The following ALDH5A1 variants were observed in gnomAD, a reference collection of about 807,000 sequenced individuals.
ALDH5A1 encodes succinate-semialdehyde dehydrogenase, mitochondrial.
A neutral mutation model predicts 54.7 loss-of-function variants in ALDH5A1; 33 were observed. The ratio of observed to expected loss-of-function variants is 0.60; its 90% CI spans 0.46 to 0.81. The LOEUF (loss-of-function observed/expected upper bound fraction) is 0.81. Ranked by LOEUF, ALDH5A1 falls within the 30% of genes least tolerant of loss-of-function variation. The pLI is 0.00. For missense variants in ALDH5A1, 657 were observed against 711.0 expected (o/e 0.92, Z 0.86); for synonymous variants, 294 against 292.7 (o/e 1.00, Z -0.05).
chr6:24,513,736 C>A (rs1759507273), intron 4 of ALDH5A1, among the ~76,000 whole-genome samples: 1 of 144,724 alleles, frequency 6.9e-6, no homozygotes, highest in African/African-American at 2.5e-5. Context: ...CTCCCACTTA[C>A]AGCTGCTGTT....
intron 3 of ALDH5A1, among the ~76,000 whole-genome samples, chr6:24,504,114 T>G (rs939539287): frequency 2.6e-5 from 4 of 152,188 alleles, no homozygotes; most frequent in African/African-American, 9.7e-5. Context: ...TAGGTTTGAC[T>G]TGAAGGTCAC....
intron 4 of ALDH5A1, 42 bp from the exon 5 acceptor site, chr6:24,515,124 GT>G (rs1759541330): frequency 1.2e-6 from 1 of 823,798 alleles, no homozygotes; most frequent in Non-Finnish European, 1.7e-6. Context: ...TTTTTTTTCA[GT>G]TTGGTAAATT....
At chr6:24,515,976 T>C (rs1561874183) in intron 5 of ALDH5A1, among the ~76,000 whole-genome samples, 1 of 152,184 alleles carries the variant, frequency 6.6e-6, no homozygotes, top group Non-Finnish European at 1.5e-5. Flanking sequence ...ACAATTAATG[T>C]TGAAATGGAT....
intron 4 of ALDH5A1, among the ~76,000 whole-genome samples, chr6:24,514,863 C>T (rs1417505594): frequency 6.6e-6 from 1 of 152,138 alleles, no homozygotes; most frequent in African/African-American, 2.4e-5. Context: ...ACCTCCACCT[C>T]CTGGGCTCAA....
intron 5 of ALDH5A1, among the ~76,000 whole-genome samples, 194 bp downstream of exon 5, chr6:24,515,504 C>G (rs1759553182): frequency 6.6e-6 from 1 of 152,140 alleles, no homozygotes; most frequent in South Asian, 2.1e-4. Flanking sequence ...GTGGGCAGAT[C>G]ACTTGAGGCC....
At chr6:24,512,252 A>G (rs1377916229) in intron 4 of ALDH5A1, among the ~76,000 whole-genome samples, 3 of 152,194 alleles carry the variant, frequency 2.0e-5, no homozygotes, top group African/African-American at 7.2e-5. Context: ...TGCAGGAGCA[A>G]TCTGCTTCCT....
intron 8 of ALDH5A1, 103 bp from the exon 9 acceptor site, chr6:24,532,016 A>T: frequency 9.1e-7 from 1 of 1,094,866 alleles, no homozygotes; most frequent in South Asian, 1.3e-5. Context: ...CAAAACTCTG[A>T]TTTACTCCTT....
At chr6:24,513,179 C>A (rs1759494118) in intron 4 of ALDH5A1, among the ~76,000 whole-genome samples, 1 of 152,148 alleles carries the variant, frequency 6.6e-6, no homozygotes, top group South Asian at 2.1e-4. Flanking sequence ...CCTGCCTCAG[C>A]CTCCCAAGTA....
chr6:24,523,692 C>T (rs1018926425), intron 7 of ALDH5A1, among the ~76,000 whole-genome samples: 4 of 152,166 alleles, frequency 2.6e-5, no homozygotes, highest in African/African-American at 9.7e-5. Context: ...GTTTGCGTTT[C>T]GGCTGTAATG....
Position 24,535,140 on chromosome 6 carries a change from G to A in ALDH5A1, c.*1428G>A, listed in dbSNP as rs939458678. 4 of 151,940 alleles carry A rather than the reference G, an allele frequency of 2.6e-5. No homozygotes were observed. Among genetic ancestry groups the A allele is most frequent in the Non-Finnish European group, 5.9e-5 (4 of 67,982 alleles). The allele number at this position is 151,940 out of a possible 1,614,324, so 9.4% of individuals were successfully genotyped here. A position where few individuals can be genotyped will look rare whatever the true frequency, so the allele number is the denominator to read the frequency against. Reference sequence around the variant, plus strand: ...GTGTAGACTCCACTTACATCTTGTGGTTATTCTGGGTTGTGGAAGGAAAAT... The same window carrying A: ...GTGTAGACTCCACTTACATCTTGTGATTATTCTGGGTTGTGGAAGGAAAAT... On this transcript the variant is annotated 3_prime_UTR_variant, in exon 10 of 10. Transcript: ENST00000357578.
intron 1 of ALDH5A1, among the ~76,000 whole-genome samples, chr6:24,501,912 T>G (rs370939629): frequency 3.1e-4 from 45 of 147,142 alleles, no homozygotes; most frequent in South Asian, 6.8e-4. Flanking sequence ...TGTGTGTGTG[T>G]GGGTGTATAT....
intron 3 of ALDH5A1, among the ~76,000 whole-genome samples, chr6:24,503,914 A>G (rs528473150): frequency 6.6e-6 from 1 of 152,348 alleles, no homozygotes; most frequent in East Asian, 1.9e-4. Flanking sequence ...AGGCTAAGAA[A>G]TAAGGTATCA....
intron 5 of ALDH5A1, among the ~76,000 whole-genome samples, chr6:24,516,216 C>T (rs1759568145): frequency 6.6e-6 from 1 of 151,894 alleles, no homozygotes; most frequent in South Asian, 2.1e-4. Context: ...GCAGGCGGAT[C>T]ACAAGGTCAG....
chr6:24,522,478 C>CATGTGTGTGTGTGTGTGTGTGTGTGT (rs754735107), intron 6 of ALDH5A1, among the ~76,000 whole-genome samples: 1 of 134,496 alleles, frequency 7.4e-6, no homozygotes, highest in Non-Finnish European at 1.6e-5. Context: ...TCTTTTCTTT[C>CATGTGTGTGTGTGTGTGTGTGTGTGT]GTGTGTGTGT....
chr6:24,524,116 G>A (rs1759758538), intron 7 of ALDH5A1, among the ~76,000 whole-genome samples: 1 of 151,648 alleles, frequency 6.6e-6, no homozygotes, highest in Admixed American at 6.6e-5. Flanking sequence ...CTCCCGAGTA[G>A]CTGGGGTTAC....
Position 24,520,480 on chromosome 6 carries a change from A to G in ALDH5A1, c.950A>G (p.Asp317Gly). 1 of 1,614,176 alleles carries G rather than the reference A, an allele frequency of 6.2e-7. No individual in the cohort carries two copies. Residue 317 changes from aspartate to glycine, a missense_variant, in exon 6 of 10, where the codon GAC becomes GGC. Physicochemically the swap from Asp to Gly is moderately conservative, Grantham distance 94 (BLOSUM62 -1). Coordinates refer to ENST00000357578, the MANE Select transcript of ALDH5A1 (RefSeq NM_001080.3). ...GGCCTTGCTCCATTTATAGTATTTG[A>G]CAGTGCCAACGTGGACCAGGCTGTA... ...LGGLAPFIVF[D>G]SANVDQAVAG...
intron 1 of ALDH5A1, among the ~76,000 whole-genome samples, chr6:24,499,364 G>A (rs938613673): frequency 2.6e-5 from 4 of 152,166 alleles, no homozygotes; most frequent in African/African-American, 7.2e-5. Context: ...CCTGAGCAGC[G>A]CTCTCTTTAG....
At chr6:24,522,951 A>G in intron 7 of ALDH5A1, 26 bp downstream of exon 7, 1 of 1,472,290 alleles carries the variant, frequency 6.8e-7, no homozygotes, top group South Asian at 1.1e-5. Context: ...TATTTGTGAA[A>G]GTAAATTTCA....
chr6:24,495,086 C>T lies in ALDH5A1; in HGVS notation c.90C>T (p.Gly30=). 7.6e-7 allele frequency: 1 copy of T among 1,323,410 alleles called. No homozygotes were observed. The highest frequency in any genetic ancestry group is 9.6e-7 in the Non-Finnish European group (1 of 1,039,816). The allele number at this position is 1,323,410 out of a possible 1,614,324, so 82.0% of individuals were successfully genotyped here. Residue 30 remains glycine (G), a synonymous_variant, in exon 1 of 10, where the codon GGC becomes GGT. Coordinates refer to ENST00000357578, the MANE Select transcript of ALDH5A1 (RefSeq NM_001080.3). The part of the protein sequence containing the change: ...PGCRLRPRAG[G]LVPASGPAPG... ...GCCGCCTCCGCCCCCGCGCCGGCGG[C>T]CTGGTCCCTGCCTCCGGGCCTGCGC...
Sources: allele counts gnomAD v4.1 joint callset (sites outside exome capture counted in the v4.1 genomes callset), GRCh38; gene constraint gnomAD v4.1.1; transcripts MANE v1.5; gene names NCBI Gene and HGNC (gene_info 2026-07-23, HGNC 2026-07-21).